HTT: variants seen among roughly 807,000 people sequenced by gnomAD.
HTT encodes huntington disease protein.
A neutral mutation model predicts 362.3 loss-of-function variants in HTT; 104 were observed. The observed-to-expected ratio is 0.29, with a 90% CI of 0.24 to 0.34. The LOEUF is 0.34. HTT is among the 10% of genes least tolerant of loss of function. The pLI, the probability that HTT is intolerant of heterozygous loss-of-function variation, is 1.00. For synonymous variants in HTT, 1,577 were observed against 1,548.7 expected (o/e 1.02, Z -0.43); for missense variants, 3,301 against 3,928.6 (o/e 0.84, Z 4.27).
Position 3,243,851 on chromosome 4 carries a change from C to G in HTT, c.*3792C>G, listed in dbSNP as rs578007911. 2.0e-5 allele frequency: 3 copies of G among 152,240 alleles called. No homozygotes were observed. The highest frequency in any genetic ancestry group is 7.2e-5 in the African/African-American group (3 of 41,466). 9.4% of individuals were successfully genotyped at this position (152,240 alleles called of 1,614,324 possible). ...GCGAGTCCCGGAGCCCCACCCAGAC[C>G]TGAATGCTTCTGAGAGCAAAGGGAA... On this transcript the variant is annotated 3_prime_UTR_variant, in exon 67 of 67. Coordinates refer to ENST00000355072, the MANE Select transcript of HTT (RefSeq NM_001388492.1).
At chr4:3,207,050 G>T in intron 44 of HTT, 67 bp downstream of exon 44, 1 of 1,469,482 alleles carries the variant, frequency 6.8e-7, no homozygotes, top group Non-Finnish European at 9.2e-7. Context: ...AAAACAGGTG[G>T]CTGGCTTTTT....
intron 54 of HTT, 21 bp downstream of exon 54, chr4:3,222,508 G>T: frequency 6.3e-7 from 1 of 1,590,092 alleles, no homozygotes. Context: ...ACCCTGTGCT[G>T]GTTGGCACAT....
chr4:3,074,721 T>C lies in HTT; in HGVS notation c.-105T>C, dbSNP rs913372619. 563 of 1,240,718 alleles carry C rather than the reference T, an allele frequency of 4.5e-4. 1 individual carries two copies. The highest frequency in any genetic ancestry group is 5.1e-4 in the Non-Finnish European group (473 of 926,990). The allele number at this position is 1,240,718 out of a possible 1,614,324, so 76.9% of individuals were successfully genotyped here. A position where few individuals can be genotyped will look rare whatever the true frequency, so the allele number is the denominator to read the frequency against. ...CCAAGATGGACGGCCGCTCAGGTTC[T>C]GCTTTTACCTGCGGCCCAGAGCCCC... is the stretch of plus-strand genomic sequence containing the variant. On this transcript the variant is annotated 5_prime_UTR_variant, in exon 1 of 67. Transcript: ENST00000355072.
intron 1 of HTT, among the ~76,000 whole-genome samples, chr4:3,085,019 A>G (rs992283604): frequency 1.3e-4 from 16 of 126,620 alleles, no homozygotes; most frequent in South Asian, 2.2e-4. Context: ...GTCTCGGGGG[A>G]AAAAAAAAAA....
intron 1 of HTT, among the ~76,000 whole-genome samples, chr4:3,075,653 G>GC (rs1395354017): frequency 1.4e-5 from 2 of 142,468 alleles, no homozygotes; most frequent in East Asian, 4.5e-4. Context: ...GGGGCAGGGG[G>GC]GGGGCGGGGA....
chr4:3,158,943 G>T (rs887163305), intron 28 of HTT, among the ~76,000 whole-genome samples: 5 of 152,162 alleles, frequency 3.3e-5, no homozygotes, highest in Non-Finnish European at 5.9e-5. Flanking sequence ...CTGAACTCCA[G>T]CATGTTCTGC....
intron 26 of HTT, among the ~76,000 whole-genome samples, chr4:3,153,556 G>A (rs901959673): frequency 6.6e-6 from 1 of 152,162 alleles, no homozygotes; most frequent in African/African-American, 2.4e-5. Context: ...TAGCTTTGCT[G>A]GTAACCAGCT....
chr4:3,103,937 T>G, intron 4 of HTT, 54 bp downstream of exon 4: 1 of 1,055,008 alleles, frequency 9.5e-7, no homozygotes, highest in Non-Finnish European at 1.5e-6. Context: ...TTTTTATAGG[T>G]ACACGTATTT....
chr4:3,077,994 C>G (rs1228264942), intron 1 of HTT, among the ~76,000 whole-genome samples: 1 of 152,188 alleles, frequency 6.6e-6, no homozygotes, highest in Non-Finnish European at 1.5e-5. Flanking sequence ...TTTTATGGCT[C>G]TTGCTCTTTG....
chr4:3,137,633 A>G (rs911187063), intron 21 of HTT, among the ~76,000 whole-genome samples: 11 of 152,228 alleles, frequency 7.2e-5, no homozygotes, highest in Admixed American at 3.3e-4. Flanking sequence ...TGGGAGGCGG[A>G]GGTTGCAGTG....
At chr4:3,123,787 T>C (rs1715401917) in intron 10 of HTT, among the ~76,000 whole-genome samples, 1 of 152,252 alleles carries the variant, frequency 6.6e-6, no homozygotes. Flanking sequence ...AATGTTCTGA[T>C]AAAACTTAAC....
At chr4:3,152,999 T>C (rs777249423) in intron 26 of HTT, among the ~76,000 whole-genome samples, 1 of 152,114 alleles carries the variant, frequency 6.6e-6, no homozygotes, top group Non-Finnish European at 1.5e-5. Context: ...TTCCAGTCCA[T>C]GCACCCGATT....
intron 27 of HTT, among the ~76,000 whole-genome samples, chr4:3,155,966 C>T (rs1255364967): frequency 1.3e-5 from 2 of 151,852 alleles, no homozygotes; most frequent in Non-Finnish European, 2.9e-5. Flanking sequence ...CATCACCTCA[C>T]GTATCATTGT....
intron 40 of HTT, among the ~76,000 whole-genome samples, chr4:3,194,916 T>C (rs1719178343): frequency 1.3e-5 from 2 of 152,214 alleles, no homozygotes; most frequent in Admixed American, 1.3e-4. Flanking sequence ...AATTTTCTCA[T>C]GGGTATGTGG....
intron 21 of HTT, 140 bp downstream of exon 21, chr4:3,136,466 C>G (rs1471936775): frequency 4.5e-6 from 2 of 441,444 alleles, no homozygotes; most frequent in Non-Finnish European, 8.1e-6. Flanking sequence ...TATTCTTAAA[C>G]TATAATGAAA....
In HTT at chr4:3,212,594, C is replaced by G. The variant is rs1388646674; in HGVS notation, c.6659C>G (p.Thr2220Ser). The change falls in exon 49 of 67, where the codon ACT becomes AGT. Residue 2220 changes from threonine to serine, a missense_variant. Physicochemically the swap from Thr to Ser is moderately conservative, Grantham distance 58. Transcript: ENST00000355072. ...GCTGCACTGTATCAGTCCCTGCCCA[C>G]TCTGGCCCGGGCCCTGGCACAGTAC... ...GDAALYQSLPTLARALAQYLV... is the reference protein window; with the variant it reads ...GDAALYQSLPSLARALAQYLV... The G allele has an allele frequency of 2.5e-6, 4 of 1,614,280 alleles. No homozygotes were observed. The highest frequency in any genetic ancestry group is 3.4e-6 in the Non-Finnish European group (4 of 1,180,048).
At chr4:3,166,766 T>A (rs943841207) in intron 29 of HTT, among the ~76,000 whole-genome samples, 4 of 152,242 alleles carry the variant, frequency 2.6e-5, no homozygotes, top group African/African-American at 9.6e-5. Context: ...GAGAATCTCC[T>A]GGTCTGCTGG....
At chr4:3,229,117 A>C (rs1261252366) in intron 59 of HTT, 108 bp downstream of exon 59, 5 of 1,084,530 alleles carry the variant, frequency 4.6e-6, no homozygotes, top group South Asian at 1.5e-5. Context: ...TTGCACACAC[A>C]CCCCTCATGC....
At chr4:3,087,142 GA>G (rs1378448905) in intron 2 of HTT, 120 bp downstream of exon 2, 1 of 556,192 alleles carries the variant, frequency 1.8e-6, no homozygotes, top group African/African-American at 1.9e-5. Flanking sequence ...CATTTAAGAT[GA>G]AGAAGGACCC....
Sources: allele counts gnomAD v4.1 joint callset (sites outside exome capture counted in the v4.1 genomes callset), GRCh38; gene constraint gnomAD v4.1.1; transcripts MANE v1.5; gene names NCBI Gene and HGNC (gene_info 2026-07-23, HGNC 2026-07-21).